MTHFD1: variants seen among roughly 807,000 people sequenced by gnomAD.
The protein encoded by MTHFD1 is C-1-tetrahydrofolate synthase, cytoplasmic.
A neutral mutation model predicts 110.3 loss-of-function variants in MTHFD1; 44 were observed. That is an observed-to-expected ratio of 0.40 (90% confidence interval 0.31 to 0.51). The LOEUF (loss-of-function observed/expected upper bound fraction) is 0.51, where lower values mean the gene tolerates loss of function less well. Ranked by LOEUF, MTHFD1 falls within the 20% of genes least tolerant of loss-of-function variation. The probability of loss-of-function intolerance (pLI) is 0.60; values close to 1 mark genes in which losing one functional copy is unlikely to be tolerated. For missense variants in MTHFD1, 909 were observed against 1,173.1 expected, an observed-to-expected ratio of 0.77 and a Z score of 3.29; for synonymous variants, 402 against 428.8, an observed-to-expected ratio of 0.94 and a Z score of 0.77.
chr14:64,420,694 G>A (rs1017290013), intron 8 of MTHFD1, among the ~76,000 whole-genome samples: 3 of 151,940 alleles, frequency 2.0e-5, no homozygotes, highest in Non-Finnish European at 4.4e-5. Flanking sequence ...GCCTTGCCAC[G>A]TTCACCTTCT....
intron 6 of MTHFD1, 108 bp downstream of exon 6, chr14:64,415,847 A>T (rs766290472): frequency 7.2e-6 from 8 of 1,118,358 alleles, no homozygotes; most frequent in Admixed American, 2.0e-5. Flanking sequence ...AATGGACTTG[A>T]TTGGCAGAAG....
Position 64,388,362 on chromosome 14 carries a change from GGC to G in MTHFD1, c.-65_-64del. On this transcript the variant is annotated 5_prime_UTR_variant, in exon 1 of 28. Transcript: ENST00000652337. The stretch of plus-strand genomic sequence containing the variant: ...GCACGTGGGTTGGGTTGTCCTGCTT[GGC>G]TGCGGAGGGAGTGGAACCTCGATAT... The G allele has an allele frequency of 6.2e-7, 1 of 1,614,152 alleles. No individual in the cohort carries two copies.
At chr14:64,408,251 A>G (rs2077952628) in intron 2 of MTHFD1, among the ~76,000 whole-genome samples, 1 of 150,158 alleles carries the variant, frequency 6.7e-6, no homozygotes, top group Non-Finnish European at 1.5e-5. Context: ...TGGATGATGT[A>G]GTACTCAGCC....
chr14:64,449,768 C>T, intron 24 of MTHFD1, 146 bp downstream of exon 24: 2 of 894,538 alleles, frequency 2.2e-6, no homozygotes, highest in Non-Finnish European at 3.6e-6. Context: ...ACAACCACAG[C>T]CTGGACTCCC....
In MTHFD1 at chr14:64,440,317, T is replaced by C. The variant is rs763368621; in HGVS notation, c.1815+51T>C. The C allele has an allele frequency of 1.9e-5, 31 of 1,610,888 alleles. No individual in the cohort carries two copies. The East Asian group carries it at 6.9e-4, about 36-fold the overall frequency. On this transcript the variant is annotated intron_variant, in intron 18 of 27. Transcript: ENST00000652337. ...GGCGACATATCTGTGTCTGTTGTCC[T>C]AGGGTCTTTCAGCAGTTATTAATAA...
At chr14:64,448,802 C>CTTT (rs34868771) in intron 23 of MTHFD1, among the ~76,000 whole-genome samples, 1 of 145,490 alleles carries the variant, frequency 6.9e-6, no homozygotes. Context: ...AGCAAAAAAT[C>CTTT]TTTTTTTTTT....
chr14:64,426,758 C>A (rs951653110), intron 11 of MTHFD1, among the ~76,000 whole-genome samples: 1 of 152,100 alleles, frequency 6.6e-6, no homozygotes, highest in African/African-American at 2.4e-5. Flanking sequence ...CGTGAGCCAC[C>A]ACACCCGGCC....
At chr14:64,449,719 C>T in intron 24 of MTHFD1, 97 bp downstream of exon 24, 1 of 1,435,174 alleles carries the variant, frequency 7.0e-7, no homozygotes, top group Middle Eastern at 1.7e-4. Context: ...TGCTTCGCAG[C>T]TTCAGCCTTG....
At position 64,426,023 on chromosome 14, in the gene MTHFD1, A is replaced by G. The variant is rs367912565; in HGVS notation, c.958A>G (p.Ile320Val). 1 of 1,613,546 alleles carries G rather than the reference A, an allele frequency of 6.2e-7. No individual in the cohort carries two copies. Among genetic ancestry groups the G allele is most frequent in the South Asian group, 1.1e-5 (1 of 91,048 alleles). Residue 320 changes from isoleucine to valine, a missense_variant, in exon 11 of 28, where the codon ATT (isoleucine) becomes GTT (valine). By Grantham distance (29) the Ile-to-Val change is conservative (BLOSUM62 3). Transcript: ENST00000652337. Reference sequence around the variant, plus strand: ...CTATTTTCTATGTTTCCAAAGTGACATTGATATATCACGATCTTGTAAACC... The same window carrying G: ...CTATTTTCTATGTTTCCAAAGTGACGTTGATATATCACGATCTTGTAAACC... ...LNLKTPVPSD[I>V]DISRSCKPKP...
rs759744076 is a variant in MTHFD1, at chr14:64,453,725, G to T, written c.2458-29G>T. The T allele has an allele frequency of 3.8e-6, 5 of 1,321,342 alleles. No individual in the cohort carries two copies. The African/African-American group carries it at 7.3e-5, about 19-fold the overall frequency. The allele number at this position is 1,321,342 out of a possible 1,614,324, so 81.9% of individuals were successfully genotyped here. A position where few individuals can be genotyped will look rare whatever the true frequency, so the allele number is the denominator to read the frequency against. ...AATGTCCTCACATGTGTCCAGTCAT[G>T]GTGTCCCCATCTCTTTCTTGTGCAT... On this transcript the variant is annotated intron_variant, in intron 24 of 27. Transcript: ENST00000652337.
rs1397581962 is a variant in MTHFD1, at chr14:64,426,198, CT to C, written c.1127+11del. 6.8e-6 allele frequency: 11 copies of C among 1,614,066 alleles called. No individual in the cohort carries two copies. Among genetic ancestry groups the C allele is most frequent in the Non-Finnish European group, 9.3e-6 (11 of 1,180,022 alleles). ...AAATACGTGGTGGTGACTGGGTATG[CT>C]TTTTATTCATGTTGCCATCCAAATC... On this transcript the variant is annotated splice_region_variant and intron_variant, in intron 11 of 27. Transcript: ENST00000652337.
At chr14:64,405,981 G>A (rs1054430526) in intron 2 of MTHFD1, among the ~76,000 whole-genome samples, 8 of 150,612 alleles carry the variant, frequency 5.3e-5, no homozygotes, top group African/African-American at 1.7e-4. Context: ...CTTGTAGACT[G>A]AAGGTAATTT....
chr14:64,440,561 A>G, intron 18 of MTHFD1: 1 of 430,618 alleles, frequency 2.3e-6, no homozygotes, highest in Non-Finnish European at 4.4e-6. Context: ...TGCAGAGAAC[A>G]TCAAGAGTAC....
At chr14:64,421,742 G>A (rs370120417) in intron 8 of MTHFD1, among the ~76,000 whole-genome samples, 89 of 151,608 alleles carry the variant, frequency 5.9e-4, no homozygotes, top group South Asian at 4.4e-3. Flanking sequence ...TCCCGCCTCC[G>A]CCTCCCGAGT....
chr14:64,427,131 C>A (rs2078124991), intron 11 of MTHFD1, among the ~76,000 whole-genome samples: 1 of 151,884 alleles, frequency 6.6e-6, no homozygotes, highest in African/African-American at 2.4e-5. Context: ...TCATAGCTTA[C>A]TGTAGCCTGG....
intron 15 of MTHFD1, among the ~76,000 whole-genome samples, chr14:64,432,523 A>C (rs1434597781): frequency 6.6e-6 from 1 of 152,238 alleles, no homozygotes; most frequent in African/African-American, 2.4e-5. Flanking sequence ...ACATCCATCC[A>C]ATAAAAATAA....
chr14:64,426,995 C>T (rs966989710), intron 11 of MTHFD1, among the ~76,000 whole-genome samples: 3 of 152,122 alleles, frequency 2.0e-5, no homozygotes, highest in Non-Finnish European at 2.9e-5. Flanking sequence ...GAAATTACAA[C>T]TAAGACTTTT....
intron 1 of MTHFD1, among the ~76,000 whole-genome samples, chr14:64,399,656 C>CA (rs34735594): frequency 3.0e-3 from 335 of 113,150 alleles, no homozygotes; most frequent in Admixed American, 4.3e-3. Context: ...GTCCCCATCT[C>CA]AAAAAAAAAA....
In MTHFD1 at chr14:64,415,863, G is replaced by C; in HGVS notation, c.478+124G>C. 4 of 917,634 alleles carry C rather than the reference G, an allele frequency of 4.4e-6. No individual in the cohort carries two copies. The South Asian group carries it at 5.6e-5, about 13-fold the overall frequency. 56.8% of individuals were successfully genotyped at this position (917,634 alleles called of 1,614,324 possible). On this transcript the variant is annotated intron_variant, in intron 6 of 27. Coordinates refer to ENST00000652337, the MANE Select transcript of MTHFD1 (RefSeq NM_005956.4). Reference sequence around the variant, plus strand: ...ATGGACTTGATTGGCAGAAGGGCCTGTCTACTAAGGATGTTACCTAAATTT... The same window carrying C: ...ATGGACTTGATTGGCAGAAGGGCCTCTCTACTAAGGATGTTACCTAAATTT...
Sources: allele counts gnomAD v4.1 joint callset (sites outside exome capture counted in the v4.1 genomes callset), GRCh38; gene constraint gnomAD v4.1.1; transcripts MANE v1.5; gene names NCBI Gene and HGNC (gene_info 2026-07-23, HGNC 2026-07-21).